PRLR: variants seen among roughly 807,000 people sequenced by gnomAD.
PRLR encodes hPRL receptor.
Under a neutral mutation model 40.2 loss-of-function variants are expected in PRLR, and 13 were observed. The observed-to-expected ratio is 0.32, with a 90% CI of 0.21 to 0.51. The LOEUF (loss-of-function observed/expected upper bound fraction) is 0.51. Among genes scored for constraint, PRLR ranks in the 20% least tolerant of loss-of-function variants. PRLR has a pLI of 0.97. For synonymous variants in PRLR, 269 were observed against 278.7 expected, an observed-to-expected ratio of 0.97 and a Z score of 0.35; for missense variants, 656 against 747.3, an observed-to-expected ratio of 0.88 and a Z score of 1.42.
intron 1 of PRLR, among the ~76,000 whole-genome samples, chr5:35,132,535 C>T (rs972866375): frequency 2.0e-5 from 3 of 152,156 alleles, no homozygotes; most frequent in Admixed American, 6.5e-5. Flanking sequence ...TTACTAATTT[C>T]TTGGTATCAA....
intron 1 of PRLR, among the ~76,000 whole-genome samples, chr5:35,197,083 G>T (rs1370700682): frequency 6.6e-6 from 1 of 152,156 alleles, no homozygotes; most frequent in Non-Finnish European, 1.5e-5. Context: ...TCATTTCAGG[G>T]TAGAGAGGTG....
chr5:35,205,586 G>A (rs1775995470), intron 1 of PRLR, among the ~76,000 whole-genome samples: 1 of 152,104 alleles, frequency 6.6e-6, no homozygotes, highest in Non-Finnish European at 1.5e-5. Flanking sequence ...TTGGATGTTA[G>A]AAGACTGGGC....
chr5:35,086,468 G>T, intron 3 of PRLR, 128 bp from the exon 4 acceptor site: 2 of 1,178,112 alleles, frequency 1.7e-6, no homozygotes, highest in Non-Finnish European at 2.4e-6. Flanking sequence ...GAGACCTAGG[G>T]TGGATGCTCA....
At chr5:35,067,404 G>A (rs1485209675) in intron 9 of PRLR, among the ~76,000 whole-genome samples, 2 of 152,242 alleles carry the variant, frequency 1.3e-5, no homozygotes, top group South Asian at 2.1e-4. Flanking sequence ...CTGGATAGTG[G>A]AGGAAGAGCA....
chr5:35,075,497 T>C (rs1261140122), intron 5 of PRLR, among the ~76,000 whole-genome samples: 3 of 152,078 alleles, frequency 2.0e-5, no homozygotes. Context: ...GGGAGGGGTG[T>C]CTGCCATTCC....
intron 2 of PRLR, among the ~76,000 whole-genome samples, chr5:35,097,258 T>C (rs745703746): frequency 1.3e-5 from 2 of 152,224 alleles, no homozygotes; most frequent in Admixed American, 6.5e-5. Flanking sequence ...TATAAATACA[T>C]AAAAACATGT....
Position 35,068,801 on chromosome 5 carries a change from C to G in PRLR, c.763G>C (p.Ala255Pro). The change falls in exon 8 of 10, where the codon GCA becomes CCA. Residue 255 changes from alanine to proline, a missense_variant. Around this residue, in one of 3 missense-constraint regions of PRLR, gnomAD observed 469 missense variants for 491.5 expected, o/e 0.95. Transcript: ENST00000618457. ...TACCTATAGCCCTTCAAAGCCACTG[C>G]CCAGACAATAATCAAACAGATGACA... ...SAVICLIIVW[A>P]VALKGYSMVT... 6.2e-7 allele frequency: 1 copy of G among 1,610,326 alleles called. No homozygotes were observed. Among genetic ancestry groups the G allele is most frequent in the Non-Finnish European group, 8.5e-7 (1 of 1,177,086 alleles).
At chr5:35,079,593 G>A (rs1770361686) in intron 5 of PRLR, among the ~76,000 whole-genome samples, 1 of 152,160 alleles carries the variant, frequency 6.6e-6, no homozygotes, top group African/African-American at 2.4e-5. Context: ...CCATGCTCAT[G>A]GATAGGAAGA....
At chr5:35,103,946 T>A (rs1237892159) in intron 2 of PRLR, among the ~76,000 whole-genome samples, 1 of 152,210 alleles carries the variant, frequency 6.6e-6, no homozygotes, top group Non-Finnish European at 1.5e-5. Flanking sequence ...ATTATAATAT[T>A]TTCCTTTTTT....
chr5:35,148,660 C>T (rs1774254982), intron 1 of PRLR, among the ~76,000 whole-genome samples: 1 of 152,146 alleles, frequency 6.6e-6, no homozygotes, highest in Non-Finnish European at 1.5e-5. Context: ...AGATGAGCAC[C>T]TGGTATGAAA....
chr5:35,068,911 C>A, intron 7 of PRLR, 33 bp from the exon 8 acceptor site: 1 of 1,485,760 alleles, frequency 6.7e-7, no homozygotes, highest in Admixed American at 1.7e-5. Flanking sequence ...GCTTTGATCA[C>A]GTACAGCATC....
intron 1 of PRLR, among the ~76,000 whole-genome samples, chr5:35,141,854 A>T (rs1299274178): frequency 6.6e-6 from 1 of 151,944 alleles, no homozygotes; most frequent in East Asian, 1.9e-4. Flanking sequence ...CCACTCTATC[A>T]TCCTGCATTC....
intron 1 of PRLR, among the ~76,000 whole-genome samples, chr5:35,127,244 C>A (rs1447182515): frequency 3.9e-5 from 6 of 152,336 alleles, no homozygotes; most frequent in Middle Eastern, 6.8e-3. Flanking sequence ...GTCAGCTGAA[C>A]ACACAACTGC....
At chr5:35,215,708 G>T (rs1776268318) in intron 1 of PRLR, among the ~76,000 whole-genome samples, 1 of 151,962 alleles carries the variant, frequency 6.6e-6, no homozygotes, top group South Asian at 2.1e-4. Context: ...CAAGTTCTGG[G>T]TCCTTGGAAG....
At chr5:35,125,204 C>T (rs985373009) in intron 1 of PRLR, among the ~76,000 whole-genome samples, 2 of 152,154 alleles carry the variant, frequency 1.3e-5, no homozygotes, top group Admixed American at 6.5e-5. Context: ...GTGGTTGTTC[C>T]AGTCCAGTGA....
chr5:35,086,749 C>T (rs1235910448), intron 3 of PRLR, among the ~76,000 whole-genome samples: 1 of 152,068 alleles, frequency 6.6e-6, no homozygotes, highest in Non-Finnish European at 1.5e-5. Context: ...CCTCCCTCAG[C>T]CTAAGGGAAC....
chr5:35,172,736 C>T (rs1775038398), intron 1 of PRLR, among the ~76,000 whole-genome samples: 1 of 152,188 alleles, frequency 6.6e-6, no homozygotes, highest in African/African-American at 2.4e-5. Flanking sequence ...CCCTGTCCTC[C>T]CACCAGGCCA....
intron 1 of PRLR, among the ~76,000 whole-genome samples, chr5:35,205,736 A>C (rs1157212817): frequency 1.3e-5 from 2 of 152,290 alleles, no homozygotes; most frequent in East Asian, 3.9e-4. Flanking sequence ...CCAGGAGAAT[A>C]GGCAATGGAA....
rs1771083253 is a variant in PRLR, at chr5:35,089,680, C to G, written c.-43-17G>C. On this transcript the variant is annotated splice_polypyrimidine_tract_variant and intron_variant, in intron 2 of 9. Coordinates refer to ENST00000618457, the MANE Select transcript of PRLR (RefSeq NM_000949.7). Reference sequence around the variant, plus strand: ...AGAAGTTCACTGGAAGAGAAGGTAGCAGGTAACTTTTGTGAAATGGCAGTC... The same window carrying G: ...AGAAGTTCACTGGAAGAGAAGGTAGGAGGTAACTTTTGTGAAATGGCAGTC... 13 of 1,583,328 alleles carry G rather than the reference C, an allele frequency of 8.2e-6. No individual in the cohort carries two copies. Among genetic ancestry groups the G allele is most frequent in the African/African-American group, 1.3e-5 (1 of 74,298 alleles).
Sources: gnomAD v4.1 joint callset for allele counts (sites outside exome capture counted in the v4.1 genomes callset) on GRCh38, gnomAD v4.1.1 for gene constraint, gnomAD v4.1.1 regional missense constraint, MANE v1.5 for transcripts, NCBI Gene and HGNC (gene_info 2026-07-23, HGNC 2026-07-21) for gene names.